Variants in ODAD2 observed in about 807,000 individuals in gnomAD.
The protein encoded by ODAD2 is outer dynein arm docking complex subunit 2.
Under a neutral mutation model 106.8 loss-of-function variants are expected in ODAD2, and 89 were observed. The observed-to-expected ratio is 0.83, with a 90% CI of 0.70 to 0.99. ODAD2 has a LOEUF of 0.99. Among genes scored for constraint, ODAD2 ranks in the 50% least tolerant of loss-of-function variants. The pLI, the probability that ODAD2 is intolerant of heterozygous loss-of-function variation, is 0.00. For missense variants in ODAD2, 1,168 were observed against 1,238.5 expected, an observed-to-expected ratio of 0.94 and a Z score of 0.85; for synonymous variants, 404 against 436.2, an observed-to-expected ratio of 0.93 and a Z score of 0.92.
intron 2 of ODAD2, among the ~76,000 whole-genome samples, chr10:27,987,773 ATT>A (rs376235316): frequency 7.0e-6 from 1 of 143,734 alleles, no homozygotes. Context: ...CCAAGGAAGA[ATT>A]TTTTTTTTTT....
At chr10:27,919,447 T>C (rs1844622805) in intron 16 of ODAD2, among the ~76,000 whole-genome samples, 1 of 151,984 alleles carries the variant, frequency 6.6e-6, no homozygotes, top group East Asian at 1.9e-4. Context: ...GTGTTCAAAA[T>C]ATGTAATAGA....
chr10:27,866,622 G>C (rs896052097), intron 17 of ODAD2, among the ~76,000 whole-genome samples: 1 of 152,114 alleles, frequency 6.6e-6, no homozygotes, highest in Non-Finnish European at 1.5e-5. Flanking sequence ...ATCTGCTTCT[G>C]GTGAGGGCCT....
intron 17 of ODAD2, among the ~76,000 whole-genome samples, chr10:27,866,530 A>C (rs890283368): frequency 1.3e-5 from 2 of 152,200 alleles, no homozygotes; most frequent in African/African-American, 4.8e-5. Context: ...GGGATACTTT[A>C]TAAATTACTG....
At chr10:27,822,211 A>G (rs1400087432) in intron 19 of ODAD2, among the ~76,000 whole-genome samples, 2 of 152,180 alleles carry the variant, frequency 1.3e-5, no homozygotes, top group African/African-American at 2.4e-5. Flanking sequence ...TCTGCATTCA[A>G]TTTTTACATT....
chr10:27,862,138 T>C (rs1048357883), intron 18 of ODAD2, among the ~76,000 whole-genome samples: 6 of 152,186 alleles, frequency 3.9e-5, no homozygotes, highest in African/African-American at 1.4e-4. Flanking sequence ...GCGGTGAAGA[T>C]GATAGTTAAC....
chr10:27,892,367 TA>T, intron 17 of ODAD2, among the ~76,000 whole-genome samples: 1 of 152,312 alleles, frequency 6.6e-6, no homozygotes, highest in South Asian at 2.1e-4. Flanking sequence ...CTTGATAGAC[TA>T]AAAAAGACCG....
Position 27,944,226 on chromosome 10 carries a change from T to C in ODAD2, c.1739A>G (p.Lys580Arg). 4 of 1,611,510 alleles carry C rather than the reference T, an allele frequency of 2.5e-6. No individual in the cohort carries two copies. Among genetic ancestry groups the C allele is most frequent in the Non-Finnish European group, 3.4e-6 (4 of 1,179,394 alleles). ...RVVRQHGGIT[K>R]LVALLDCAHD... is the part of the protein sequence containing the mutation. ...GACAACATCACGGCTACTCACCAGT[T>C]TGGTGATACCCCCGTGCTGCCTCAC... Residue 580 changes from lysine (K) to arginine (R), a missense_variant, in exon 12 of 20, where the codon AAA becomes AGA. Physicochemically the swap from Lys to Arg is conservative, Grantham distance 26. This residue lies in a region of ODAD2 where 701 missense variants were observed against 712.3 expected (regional missense o/e 0.98). Coordinates refer to ENST00000305242, the MANE Select transcript of ODAD2 (RefSeq NM_018076.5).
chr10:27,887,102 A>G (rs1020877352), intron 17 of ODAD2, among the ~76,000 whole-genome samples: 4 of 152,044 alleles, frequency 2.6e-5, no homozygotes, highest in African/African-American at 9.7e-5. Context: ...ATTCTACAAT[A>G]TATTATTTAC....
intron 17 of ODAD2, among the ~76,000 whole-genome samples, chr10:27,883,262 T>C (rs1479103492): frequency 6.6e-6 from 1 of 152,066 alleles, no homozygotes; most frequent in Non-Finnish European, 1.5e-5. Context: ...TAAGGAAATA[T>C]CTGTCAACTC....
intron 10 of ODAD2, among the ~76,000 whole-genome samples, chr10:27,956,181 T>G (rs1307586178): frequency 6.6e-6 from 1 of 152,212 alleles, no homozygotes; most frequent in South Asian, 2.1e-4. Context: ...ATGGCCATCC[T>G]TTCTACCAAT....
intron 19 of ODAD2, among the ~76,000 whole-genome samples, chr10:27,831,886 C>T (rs1490522591): frequency 6.6e-6 from 1 of 152,232 alleles, no homozygotes; most frequent in African/African-American, 2.4e-5. Flanking sequence ...CTCCCCTCTC[C>T]CCTGCATGCC....
At chr10:27,820,292 C>T (rs989957823) in intron 19 of ODAD2, among the ~76,000 whole-genome samples, 2 of 151,948 alleles carry the variant, frequency 1.3e-5, no homozygotes, top group African/African-American at 2.4e-5. Context: ...GCCTGCGTTT[C>T]GCCCATCCTC....
chr10:27,821,691 G>A (rs1447352434), intron 19 of ODAD2, among the ~76,000 whole-genome samples: 1 of 152,150 alleles, frequency 6.6e-6, no homozygotes, highest in Non-Finnish European at 1.5e-5. Context: ...TACATAAAAG[G>A]AATAGTTTTC....
intron 2 of ODAD2, among the ~76,000 whole-genome samples, chr10:27,993,847 G>C (rs1212830422): frequency 6.6e-6 from 1 of 152,066 alleles, no homozygotes; most frequent in Non-Finnish European, 1.5e-5. Context: ...GCTTTGGCTA[G>C]CTAGGGAACT....
At chr10:27,837,936 C>T (rs1053127856) in intron 19 of ODAD2, among the ~76,000 whole-genome samples, 28 of 151,796 alleles carry the variant, frequency 1.8e-4, no homozygotes, top group African/African-American at 1.5e-4. Flanking sequence ...CTTTTATTTC[C>T]GAAGACATTT....
At chr10:27,827,379 C>CTATATATATATATA (rs10580710) in intron 19 of ODAD2, among the ~76,000 whole-genome samples, 152 of 132,444 alleles carry the variant, frequency 1.1e-3, no homozygotes, top group African/African-American at 2.3e-3. Flanking sequence ...CACACACACA[C>CTATATATATATATA]TATATATATA....
At chr10:27,841,860 T>A (rs889861256) in intron 19 of ODAD2, among the ~76,000 whole-genome samples, 11 of 152,062 alleles carry the variant, frequency 7.2e-5, no homozygotes, top group African/African-American at 2.7e-4. Flanking sequence ...GCTAAAGTGA[T>A]CCTCCCACCT....
chr10:27,934,895 C>T (rs1845854965), intron 16 of ODAD2, 115 bp downstream of exon 16: 3 of 1,281,582 alleles, frequency 2.3e-6, no homozygotes, highest in African/African-American at 1.5e-5. Context: ...ATATGACACA[C>T]TGTATTTTTT....
At chr10:27,814,258 C>T (rs1433129462) in intron 19 of ODAD2, among the ~76,000 whole-genome samples, 7 of 152,194 alleles carry the variant, frequency 4.6e-5, no homozygotes, top group African/African-American at 1.7e-4. Context: ...AGGGGTCAGG[C>T]TCCTGCCTGC....
Sources: allele counts gnomAD v4.1 joint callset (sites outside exome capture counted in the v4.1 genomes callset), GRCh38; gene constraint gnomAD v4.1.1; regional missense constraint gnomAD v4.1.1; transcripts MANE v1.5; gene names NCBI Gene and HGNC (gene_info 2026-07-23, HGNC 2026-07-21).